The following SLC39A8 variants were observed in gnomAD, a reference collection of about 807,000 sequenced individuals.
SLC39A8 encodes the protein solute carrier family 39 member 8.
In SLC39A8, 15 loss-of-function variants were observed where a neutral mutation model predicts 40.4. The ratio of observed to expected loss-of-function variants is 0.37; its 90% confidence interval spans 0.25 to 0.57. The LOEUF (loss-of-function observed/expected upper bound fraction) is 0.57. Ranked by LOEUF, SLC39A8 falls within the 20% of genes least tolerant of loss-of-function variation. The probability of loss-of-function intolerance (pLI) is 0.75; values close to 1 mark genes in which losing one functional copy is unlikely to be tolerated. For synonymous variants in SLC39A8, 223 were observed against 221.6 expected, an observed-to-expected ratio of 1.01 and a Z score of -0.06; for missense variants, 472 against 558.8, an observed-to-expected ratio of 0.84 and a Z score of 1.57.
chr4:102,253,168 C>T (rs974324257), exon 12 of SLC39A8: 7 of 327,032 alleles, frequency 2.1e-5, no homozygotes, highest in African/African-American at 4.6e-5. Context: ...TCGGGGCGAG[C>T]GGGGAGGGCG....
intron 2 of SLC39A8, among the ~76,000 whole-genome samples, chr4:102,335,351 T>C (rs1735620673): frequency 6.6e-6 from 1 of 152,190 alleles, no homozygotes. Context: ...TAACTTTCTG[T>C]TTCCCTGTCG....
intron 2 of SLC39A8, among the ~76,000 whole-genome samples, chr4:102,327,216 G>A (rs979382095): frequency 2.6e-5 from 4 of 152,130 alleles, no homozygotes; most frequent in African/African-American, 4.8e-5. Context: ...AGTCATGATC[G>A]TGCCACTGCA....
intron 6 of SLC39A8, among the ~76,000 whole-genome samples, chr4:102,269,464 A>G (rs367775197): frequency 1.4e-4 from 21 of 152,342 alleles, no homozygotes; most frequent in African/African-American, 4.8e-4. Context: ...CATTGTCATC[A>G]CCAATGTGGT....
At chr4:102,257,160 T>C (rs913887002), downstream of SLC39A8, among the ~76,000 whole-genome samples, 3 of 151,522 alleles carry the variant, frequency 2.0e-5, no homozygotes, top group African/African-American at 4.8e-5. Flanking sequence ...TCTATGTCTT[T>C]TTTTTTTTTT....
chr4:102,294,541 C>G lies in SLC39A8; in HGVS notation c.840+9776G>C, dbSNP rs76143130. ...ATTGGTTTAGTAGGAATCCCCCTAC[C>G]CTTGATGTTTTCTCTTAAGAATATT... On this transcript the variant is annotated intron_variant, in intron 6 of 8. Coordinates refer to ENST00000356736, the MANE Select transcript of SLC39A8 (RefSeq NM_001135146.2). 2.4e-3 allele frequency among the ~76,000 whole-genome samples: 372 copies of G among 152,110 alleles called. 1 individual carries two copies. Among genetic ancestry groups the G allele is most frequent in the Middle Eastern group, 0.014 (4 of 294 alleles).
At chr4:102,341,939 A>C (rs935671768) in intron 2 of SLC39A8, among the ~76,000 whole-genome samples, 1 of 152,240 alleles carries the variant, frequency 6.6e-6, no homozygotes, top group Non-Finnish European at 1.5e-5. Flanking sequence ...TTATCTTCTT[A>C]GCCTTTTTCA....
At position 102,320,425 on chromosome 4, in the gene SLC39A8, T is replaced by TATATATATGAGA. The variant is rs1560561395; in HGVS notation, c.220-4596_220-4595insTCTCATATATAT. On this transcript the variant is annotated intron_variant, in intron 2 of 8. Coordinates refer to ENST00000356736, the MANE Select transcript of SLC39A8 (RefSeq NM_001135146.2). Reference sequence around the variant, plus strand: ...ATATATGAGAATATATATATGAGAATATATATATATGAGAATATATATATG... The same window carrying TATATATATGAGA: ...ATATATGAGAATATATATATGAGAATATATATATGAGAATATATATATGAGAATATATATATG... 2.5e-3 allele frequency among the ~76,000 whole-genome samples: 167 copies of TATATATATGAGA among 65,888 alleles called. 1 individual carries two copies. Among genetic ancestry groups the TATATATATGAGA allele is most frequent in the African/African-American group, 3.2e-3 (49 of 15,328 alleles). 43.2% of individuals were successfully genotyped at this position (65,888 alleles called of 152,430 possible).
At chr4:102,271,234 C>T (rs1167163225) in intron 6 of SLC39A8, among the ~76,000 whole-genome samples, 1 of 151,922 alleles carries the variant, frequency 6.6e-6, no homozygotes, top group Non-Finnish European at 1.5e-5. Flanking sequence ...TAAGGACAGA[C>T]AAGAAGGACA....
intron 2 of SLC39A8, among the ~76,000 whole-genome samples, chr4:102,327,923 T>C (rs561254083): frequency 3.7e-4 from 56 of 152,320 alleles, no homozygotes; most frequent in African/African-American, 1.3e-3. Flanking sequence ...CTATGAAACT[T>C]TCCTAGAATC....
chr4:102,278,658 T>C (rs543924256), intron 6 of SLC39A8, among the ~76,000 whole-genome samples: 1 of 152,292 alleles, frequency 6.6e-6, no homozygotes, highest in East Asian at 1.9e-4. Context: ...CAAAGGATTA[T>C]AAATCATTCT....
chr4:102,253,133 G>C (rs1286272321), exon 12 of SLC39A8: 3 of 290,254 alleles, frequency 1.0e-5, no homozygotes, highest in Admixed American at 1.2e-4. Context: ...AAATACTGGG[G>C]ATTAGAACTC....
Position 102,262,327 on chromosome 4 carries a change from G to A in SLC39A8, c.*717C>T. 1 of 985,432 alleles carries A rather than the reference G, an allele frequency of 1.0e-6. No individual in the cohort carries two copies. Among genetic ancestry groups the A allele is most frequent in the South Asian group, 4.7e-5 (1 of 21,242 alleles). The allele number at this position is 985,432 out of a possible 1,614,324, so 61.0% of individuals were successfully genotyped here. On this transcript the variant is annotated 3_prime_UTR_variant, in exon 9 of 9. Transcript: ENST00000356736. Reference sequence around the variant, plus strand: ...TGTGAGGGGTGCAACCACAACATAAGTCAGAAAAAAAGCTATCCAGCTTTT... The same window carrying A: ...TGTGAGGGGTGCAACCACAACATAAATCAGAAAAAAAGCTATCCAGCTTTT...
chr4:102,294,508 T>C (rs781204941), intron 6 of SLC39A8, among the ~76,000 whole-genome samples: 3 of 152,064 alleles, frequency 2.0e-5, no homozygotes, highest in Non-Finnish European at 2.9e-5. Context: ...CAGCAAGAAT[T>C]CCATTAAATT....
At chr4:102,277,942 A>T (rs1732695355) in intron 6 of SLC39A8, among the ~76,000 whole-genome samples, 1 of 152,148 alleles carries the variant, frequency 6.6e-6, no homozygotes, top group Non-Finnish European at 1.5e-5. Flanking sequence ...TATGCAGAAA[A>T]CTGAAACTGG....
chr4:102,339,996 T>C (rs1735836646), intron 2 of SLC39A8, among the ~76,000 whole-genome samples: 1 of 152,190 alleles, frequency 6.6e-6, no homozygotes, highest in African/African-American at 2.4e-5. Context: ...TTCAAAAAAT[T>C]GCAACCTCAG....
At position 102,263,144 on chromosome 4, in the gene SLC39A8, G is replaced by A. The variant is rs142863074; in HGVS notation, c.1283C>T (p.Thr428Ile). Residue 428 changes from threonine to isoleucine, a missense_variant, in exon 9 of 9, where the codon ACC becomes ATC. This residue lies in a region of SLC39A8 where 50 missense variants were observed against 50.5 expected (regional missense o/e 0.99). Transcript: ENST00000356736. ...CTGAATCATGAAGAAGGTGAAATCG[G>A]TTTTTCTTCCAGTTACCTTTTCTCT... ...MLREKVTGRK[T>I]DFTFFMIQNA... 2.0e-5 allele frequency: 32 copies of A among 1,613,614 alleles called. No homozygotes were observed. Among genetic ancestry groups the A allele is most frequent in the Non-Finnish European group, 2.6e-5 (31 of 1,179,764 alleles).
chr4:102,333,696 C>T (rs751260556), intron 2 of SLC39A8, among the ~76,000 whole-genome samples: 19 of 152,126 alleles, frequency 1.2e-4, no homozygotes, highest in South Asian at 6.2e-4. Flanking sequence ...CAGCTGGGTG[C>T]GCAAGGCTGA....
At position 102,304,441 on chromosome 4, in the gene SLC39A8, T is replaced by C. The variant is rs753648535; in HGVS notation, c.716A>G (p.Gln239Arg). 2.4e-5 allele frequency: 39 copies of C among 1,611,428 alleles called. No individual in the cohort carries two copies. The South Asian group carries it at 3.8e-4, about 16-fold the overall frequency. Residue 239 changes from glutamine to arginine, a missense_variant, in exon 6 of 9, where the codon CAA becomes CGA. By Grantham distance (43) the Gln-to-Arg change is conservative. This residue lies in a region of SLC39A8 where 239 missense variants were observed against 317.9 expected (regional missense o/e 0.75). Transcript: ENST00000356736. ...THFGNDNFGP[Q>R]EKTHQPKALP... ...TGCTTTAGGTTGATGAGTTTTTTCT[T>C]GAGGACCAAAGTTATCATTTCCAAA... is the stretch of plus-strand genomic sequence containing the variant.
intron 4 of SLC39A8, among the ~76,000 whole-genome samples, chr4:102,305,981 A>C (rs1734155030): frequency 6.6e-6 from 1 of 151,992 alleles, no homozygotes; most frequent in Non-Finnish European, 1.5e-5. Flanking sequence ...CCGCATCCTC[A>C]TTTGAATAAC....
Sources: gnomAD v4.1 joint callset for allele counts (sites outside exome capture counted in the v4.1 genomes callset) on GRCh38, gnomAD v4.1.1 for gene constraint, gnomAD v4.1.1 regional missense constraint, MANE v1.5 for transcripts, NCBI Gene and HGNC (gene_info 2026-07-23, HGNC 2026-07-21) for gene names.